The following TET1 variants were observed in gnomAD, a reference collection of about 807,000 sequenced individuals.
TET1 encodes the protein tet methylcytosine dioxygenase 1.
Under a neutral mutation model 148.7 loss-of-function variants are expected in TET1, and 13 were observed. The observed-to-expected ratio is 0.09, with a 90% CI of 0.06 to 0.14. The LOEUF is 0.14. Among genes scored for constraint, TET1 ranks in the 10% least tolerant of loss-of-function variants. The probability of loss-of-function intolerance (pLI) is 1.00; values close to 1 mark genes in which losing one functional copy is unlikely to be tolerated. For synonymous variants in TET1, 907 were observed against 937.2 expected (o/e 0.97, Z 0.59); for missense variants, 2,182 against 2,553.8 (o/e 0.85, Z 3.14).
At chr10:68,647,043 A>G (rs1047325934) in intron 4 of TET1, 38 bp downstream of exon 4, 8 of 1,552,972 alleles carry the variant, frequency 5.2e-6, no homozygotes, top group African/African-American at 1.4e-5. Context: ...TTTCACCTGC[A>G]CAAATTACCT....
intron 3 of TET1, among the ~76,000 whole-genome samples, chr10:68,641,085 G>A (rs2054746180): frequency 6.7e-6 from 1 of 149,484 alleles, no homozygotes; most frequent in Non-Finnish European, 1.5e-5. Context: ...CAGGTTGTAT[G>A]GCACATGAAG....
At chr10:68,596,594 T>C (rs1474293430) in intron 2 of TET1, among the ~76,000 whole-genome samples, 1 of 152,144 alleles carries the variant, frequency 6.6e-6, no homozygotes, top group African/African-American at 2.4e-5. Flanking sequence ...TGGCCTCTGC[T>C]CAGAATTTCT....
intron 2 of TET1, among the ~76,000 whole-genome samples, chr10:68,584,164 C>T (rs999658848): frequency 1.1e-4 from 17 of 151,250 alleles, no homozygotes; most frequent in Non-Finnish European, 1.8e-4. Flanking sequence ...CTCAGCCTCC[C>T]GAGTAGCTGG....
intron 3 of TET1, among the ~76,000 whole-genome samples, chr10:68,613,646 C>T (rs1318302813): frequency 6.6e-6 from 1 of 152,086 alleles, no homozygotes; most frequent in Non-Finnish European, 1.5e-5. Flanking sequence ...CACAAAAACA[C>T]TACTGGTTGG....
rs1439623594 is a variant in TET1, at chr10:68,639,442, TTATTAC to T, written c.1969-5253_1969-5248del. The stretch of plus-strand genomic sequence containing the variant: ...GTCTCAAAGATTACTATTACTATTA[TTATTAC>T]TACTACTACTACTACTACTATTATT... On this transcript the variant is annotated intron_variant, in intron 3 of 11. Transcript: ENST00000373644. 7.1e-5 allele frequency among the ~76,000 whole-genome samples: 6 copies of T among 84,064 alleles called. No individual in the cohort carries two copies. The South Asian group carries it at 1.9e-3, about 27-fold the overall frequency. The allele number at this position is 84,064 out of a possible 152,430, so 55.1% of individuals were successfully genotyped here.
intron 2 of TET1, among the ~76,000 whole-genome samples, chr10:68,592,597 T>A (rs757258971): frequency 1.5e-5 from 2 of 136,888 alleles, no homozygotes; most frequent in Non-Finnish European, 3.3e-5. Context: ...TTGATATTTG[T>A]ATCTCCCCAT....
At chr10:68,616,783 C>A (rs1002312864) in intron 3 of TET1, among the ~76,000 whole-genome samples, 1 of 146,666 alleles carries the variant, frequency 6.8e-6, no homozygotes, top group African/African-American at 2.5e-5. Flanking sequence ...TCTCGGCTCA[C>A]GGCAACCTCT....
At chr10:68,670,744 T>C (rs1391019805) in intron 7 of TET1, among the ~76,000 whole-genome samples, 1 of 152,196 alleles carries the variant, frequency 6.6e-6, no homozygotes, top group Non-Finnish European at 1.5e-5. Context: ...CCATTTTCAT[T>C]CCATTTGCAT....
rs571354604 is a variant in TET1, at chr10:68,664,043, A to G, written c.4462-3002A>G. On this transcript the variant is annotated intron_variant, in intron 6 of 11. Transcript: ENST00000373644. ...AGATGGAGTCTTGCTCCCATCGCGC[A>G]GGCTGTAGTGCAGTGTTGCAGTCTT... Among the ~76,000 whole-genome samples, 5 of 152,010 alleles carry G rather than the reference A, an allele frequency of 3.3e-5. No individual in the cohort carries two copies. In the South Asian group the frequency reaches 1.0e-3, roughly 32 times the overall value.
chr10:68,578,337 C>A (rs1194897535), intron 2 of TET1, among the ~76,000 whole-genome samples: 1 of 152,102 alleles, frequency 6.6e-6, no homozygotes, highest in South Asian at 2.1e-4. Context: ...CAGCTCACTG[C>A]GACCTCCACC....
At position 68,690,920 on chromosome 10, in the gene TET1, C is replaced by A. The variant is rs776066077; in HGVS notation, c.5517C>A (p.His1839Gln). The change falls in exon 12 of 12, where the codon CAC becomes CAA. Residue 1839 changes from histidine (H) to glutamine (Q), a missense_variant. Around this residue, in one of 11 missense-constraint regions of TET1, gnomAD observed 380 missense variants for 387.9 expected, o/e 0.98. Transcript: ENST00000373644. ...ATTCGCTGATGCCATCCGCTCCTCACCCAGTGAAAGAGGCATCTCCAGGCT... is the reference window on the plus strand; with the variant it reads ...ATTCGCTGATGCCATCCGCTCCTCAACCAGTGAAAGAGGCATCTCCAGGCT... ...KTYSLMPSAP[H>Q]PVKEASPGFS... is the part of the protein sequence containing the mutation. The A allele has an allele frequency of 1.2e-6, 2 of 1,614,220 alleles. No individual in the cohort carries two copies. The highest frequency in any genetic ancestry group is 1.7e-6 in the Non-Finnish European group (2 of 1,180,042).
In TET1 at chr10:68,693,398, C is replaced by T. The variant is rs1358104867; in HGVS notation, c.*1584C>T. On this transcript the variant is annotated 3_prime_UTR_variant, in exon 12 of 12. Coordinates refer to ENST00000373644, the MANE Select transcript of TET1 (RefSeq NM_030625.3). ...GCCATAGGAAGCCCACAACCGCTAA[C>T]ACTTACAATTTTGGTGCAAAAGCAA... 6 of 233,268 alleles carry T rather than the reference C, an allele frequency of 2.6e-5. No homozygotes were observed. The East Asian group carries it at 3.0e-4, about 12-fold the overall frequency. The allele number at this position is 233,268 out of a possible 1,614,324, so 14.4% of individuals were successfully genotyped here. A position where few individuals can be genotyped will look rare whatever the true frequency, so the allele number is the denominator to read the frequency against.
Position 68,646,081 on chromosome 10 carries a change from CAGG to C in TET1, c.3355_3357del (p.Glu1119del), listed in dbSNP as rs1457770260. On this transcript the variant is annotated inframe_deletion, in exon 4 of 12. Transcript: ENST00000373644. ...ATGTAATGTACAGCAAAAATACAATCAGGAGAAGGGCACAATACAACAGAAACC... is the reference window on the plus strand; with the variant it reads ...ATGTAATGTACAGCAAAAATACAATCAGAAGGGCACAATACAACAGAAACC... 6.2e-7 allele frequency: 1 copy of C among 1,614,036 alleles called. No individual in the cohort carries two copies. The highest frequency in any genetic ancestry group is 8.5e-7 in the Non-Finnish European group (1 of 1,180,000).
chr10:68,672,794 C>G (rs2055293684), intron 7 of TET1, 101 bp from the exon 8 acceptor site: 2 of 911,766 alleles, frequency 2.2e-6, no homozygotes, highest in Non-Finnish European at 3.3e-6. Context: ...ATAACCGGTT[C>G]TTTAGGCATC....
chr10:68,661,498 T>C (rs891763793), intron 6 of TET1, among the ~76,000 whole-genome samples: 7 of 151,532 alleles, frequency 4.6e-5, no homozygotes, highest in African/African-American at 1.7e-4. Context: ...CTGTGAAAAT[T>C]TTCTGTTTTT....
chr10:68,639,468 A>AC lies in TET1; in HGVS notation c.1969-5230_1969-5229insC, dbSNP rs1296527093. On this transcript the variant is annotated intron_variant, in intron 3 of 11. Transcript: ENST00000373644. ...TATTACTACTACTACTACTACTACT[A>AC]TTATTATTATTATTATTATTATTTT... Among the ~76,000 whole-genome samples the AC allele has an allele frequency of 8.0e-3, 1,158 of 143,884 alleles. 14 individuals are homozygous for AC. The highest frequency in any genetic ancestry group is 0.031 in the African/African-American group (1,110 of 35,838). 94.4% of individuals were successfully genotyped at this position (143,884 alleles called of 152,430 possible).
chr10:68,565,063 T>C (rs1287657915), intron 1 of TET1, among the ~76,000 whole-genome samples: 1 of 152,134 alleles, frequency 6.6e-6, no homozygotes, highest in Admixed American at 6.5e-5. Context: ...CATTGAAATA[T>C]CAGTTTTTAT....
chr10:68,563,001 C>A (rs1354445246), intron 1 of TET1, among the ~76,000 whole-genome samples: 3 of 151,984 alleles, frequency 2.0e-5, no homozygotes, highest in African/African-American at 7.3e-5. Context: ...TCGTTTTTGG[C>A]CTTTTTTGTT....
intron 3 of TET1, among the ~76,000 whole-genome samples, chr10:68,639,397 G>A (rs1308980517): frequency 6.9e-6 from 1 of 144,334 alleles, no homozygotes; most frequent in Non-Finnish European, 1.6e-5. Flanking sequence ...ACTCCAGCTC[G>A]GGTGACAGAG....
Sources: gnomAD v4.1 joint callset for allele counts (sites outside exome capture counted in the v4.1 genomes callset) on GRCh38, gnomAD v4.1.1 for gene constraint, gnomAD v4.1.1 regional missense constraint, MANE v1.5 for transcripts, NCBI Gene and HGNC (gene_info 2026-07-23, HGNC 2026-07-21) for gene names.